Variants in C5orf47 observed in about 807,000 individuals in gnomAD.
C5orf47 encodes uncharacterized protein C5orf47.
C5orf47 carries 20 observed loss-of-function variants against 20.6 expected under a neutral mutation model. The ratio of observed to expected loss-of-function variants is 0.97; its 90% CI spans 0.68 to 1.41. C5orf47 has a LOEUF of 1.41. Ranked by LOEUF, C5orf47 falls within the 40% of genes most tolerant of loss-of-function variation. The probability of loss-of-function intolerance (pLI) is 0.00; values close to 1 mark genes in which losing one functional copy is unlikely to be tolerated. For missense variants in C5orf47, 262 were observed against 238.4 expected (o/e 1.10, Z -0.65); for synonymous variants, 106 against 97.3 (o/e 1.09, Z -0.53).
At chr5:174,000,635 A>G (rs1759179493) in intron 3 of C5orf47, among the ~76,000 whole-genome samples, 1 of 152,142 alleles carries the variant, frequency 6.6e-6, no homozygotes. Flanking sequence ...TTCATAAGAT[A>G]ATCATGAAAA....
Position 173,989,522 on chromosome 5 carries a change from G to A in C5orf47, c.259G>A (p.Ala87Thr). 6.5e-7 allele frequency: 1 copy of A among 1,533,072 alleles called. No homozygotes were observed. The allele number at this position is 1,533,072 out of a possible 1,614,324, so 95.0% of individuals were successfully genotyped here. ...VPTTPGVEAA[A>T]SASSQLRASR... ...CACGACCCCTGGTGTGGAGGCTGCG[G>A]CCTCTGCCTCCTCCCAGCTGCGGGC... The change falls in exon 1 of 5, where the codon GCC (alanine) becomes ACC (threonine). Residue 87 changes from alanine to threonine, a missense_variant. Physicochemically the swap from Ala to Thr is moderately conservative, Grantham distance 58. Coordinates refer to ENST00000340147, the MANE Select transcript of C5orf47 (RefSeq NM_001144954.2).
At chr5:174,003,665 A>G (rs1466315913) in intron 4 of C5orf47, among the ~76,000 whole-genome samples, 1 of 152,174 alleles carries the variant, frequency 6.6e-6, no homozygotes, top group Non-Finnish European at 1.5e-5. Flanking sequence ...AGTACGGAGT[A>G]TCAGGCAATG....
chr5:173,999,919 G>A, intron 3 of C5orf47, 120 bp downstream of exon 3: 1 of 560,236 alleles, frequency 1.8e-6, no homozygotes, highest in Non-Finnish European at 3.2e-6. Context: ...CAGAACTATA[G>A]AAATGAGGCT....
At position 174,005,251 on chromosome 5, in the gene C5orf47, C is replaced by T. The variant is rs1387427594; in HGVS notation, c.*997C>T. ...CCAGGATGATTACAGTGATGACATC[C>T]ATTCTTTTTTGGGGGCATTGAGAAG... On this transcript the variant is annotated 3_prime_UTR_variant, in exon 5 of 5. Transcript: ENST00000340147. 6.6e-6 allele frequency: 1 copy of T among 152,100 alleles called. No individual in the cohort carries two copies. The highest frequency in any genetic ancestry group is 1.9e-4 in the East Asian group (1 of 5,194). The allele number at this position is 152,100 out of a possible 1,614,324, so 9.4% of individuals were successfully genotyped here. A position where few individuals can be genotyped will look rare whatever the true frequency, so the allele number is the denominator to read the frequency against.
At chr5:174,000,483 C>T (rs1044842466) in intron 3 of C5orf47, among the ~76,000 whole-genome samples, 5 of 152,206 alleles carry the variant, frequency 3.3e-5, no homozygotes, top group Admixed American at 1.3e-4. Context: ...CTTTCCTTAA[C>T]GTGCATTTCT....
chr5:173,999,944 A>C (rs932485680), intron 3 of C5orf47, 145 bp downstream of exon 3: 16 of 529,430 alleles, frequency 3.0e-5, no homozygotes, highest in African/African-American at 2.7e-4. Flanking sequence ...TATTATCACT[A>C]TTCATCATAA....
At chr5:173,999,988 CAGAG>C in intron 3 of C5orf47, among the ~76,000 whole-genome samples, 189 bp downstream of exon 3, 1 of 151,940 alleles carries the variant, frequency 6.6e-6, no homozygotes, top group African/African-American at 2.4e-5. Flanking sequence ...GCAGTGAGCA[CAGAG>C]AGCACAGGTA....
At chr5:173,995,156 C>T (rs34020943) in intron 1 of C5orf47, among the ~76,000 whole-genome samples, 24,003 of 152,164 alleles carry the variant, frequency 0.16, 2,477 homozygotes, top group African/African-American at 0.29. Flanking sequence ...TGTGTCACCC[C>T]CTATAGGGAA....
At chr5:173,990,263 C>T (rs1189254953) in intron 1 of C5orf47, among the ~76,000 whole-genome samples, 1 of 148,604 alleles carries the variant, frequency 6.7e-6, no homozygotes, top group African/African-American at 2.5e-5. Flanking sequence ...CAGGTGGGCA[C>T]CTCCATGCCC....
At chr5:173,990,237 C>T (rs867728303) in intron 1 of C5orf47, among the ~76,000 whole-genome samples, 1 of 140,080 alleles carries the variant, frequency 7.1e-6, no homozygotes, top group Non-Finnish European at 1.5e-5. Context: ...CTCAGCCTCC[C>T]GAGTAGCTGG....
downstream of C5orf47, among the ~76,000 whole-genome samples, chr5:174,009,378 G>T (rs1333495634): frequency 2.0e-5 from 3 of 152,046 alleles, no homozygotes; most frequent in African/African-American, 7.2e-5. Context: ...TCTTGTGTTT[G>T]CTTTGGTTTT....
At chr5:173,995,071 C>G (rs1185111844) in intron 1 of C5orf47, among the ~76,000 whole-genome samples, 1 of 152,152 alleles carries the variant, frequency 6.6e-6, no homozygotes, top group Non-Finnish European at 1.5e-5. Context: ...CCTTGGCCTC[C>G]CAAAGTGCTG....
At chr5:173,994,276 A>C (rs1000913301) in intron 1 of C5orf47, among the ~76,000 whole-genome samples, 1 of 152,194 alleles carries the variant, frequency 6.6e-6, no homozygotes, top group African/African-American at 2.4e-5. Flanking sequence ...TCTCAGATGT[A>C]ATGGTTTCAC....
chr5:174,006,093 G>A lies in C5orf47; in HGVS notation c.*1839G>A, dbSNP rs1038299109. ...AACTTATTTCTGTTCCATAATTTCA[G>A]TAGGGGCTAATGACCCACCCCTGCT... On this transcript the variant is annotated 3_prime_UTR_variant, in exon 5 of 5. Coordinates refer to ENST00000340147, the MANE Select transcript of C5orf47 (RefSeq NM_001144954.2). 2 of 152,278 alleles carry A rather than the reference G, an allele frequency of 1.3e-5. No homozygotes were observed. Among genetic ancestry groups the A allele is most frequent in the Non-Finnish European group, 2.9e-5 (2 of 68,022 alleles). 9.4% of individuals were successfully genotyped at this position (152,278 alleles called of 1,614,324 possible).
chr5:173,999,354 G>A (rs978403017), intron 2 of C5orf47, among the ~76,000 whole-genome samples: 2 of 152,052 alleles, frequency 1.3e-5, no homozygotes, highest in African/African-American at 2.4e-5. Flanking sequence ...TTTAATCATT[G>A]GAATATAAAT....
intron 1 of C5orf47, among the ~76,000 whole-genome samples, chr5:173,997,796 C>T (rs1759124611): frequency 6.6e-6 from 1 of 152,094 alleles, no homozygotes. Context: ...AGTGTAATGT[C>T]TGTCTGGAGT....
intron 1 of C5orf47, among the ~76,000 whole-genome samples, chr5:173,997,362 C>G (rs1055507504): frequency 4.6e-5 from 7 of 152,098 alleles, no homozygotes; most frequent in Non-Finnish European, 7.4e-5. Flanking sequence ...ATAATTTTGT[C>G]TTTGGAAAAA....
intron 4 of C5orf47, among the ~76,000 whole-genome samples, chr5:174,001,526 T>C (rs1490002800): frequency 2.0e-5 from 3 of 152,062 alleles, no homozygotes; most frequent in African/African-American, 7.2e-5. Flanking sequence ...GAGGGTACAA[T>C]ATGGTACATT....
At chr5:173,989,621 G>C in intron 1 of C5orf47, 33 bp downstream of exon 1, 2 of 1,383,250 alleles carry the variant, frequency 1.4e-6, no homozygotes, top group Non-Finnish European at 1.9e-6. Flanking sequence ...GACCGGGCGC[G>C]GCGGGGCGGG....
Sources: gnomAD v4.1 joint callset for allele counts (sites outside exome capture counted in the v4.1 genomes callset) on GRCh38, gnomAD v4.1.1 for gene constraint, MANE v1.5 for transcripts, NCBI Gene and HGNC (gene_info 2026-07-23, HGNC 2026-07-21) for gene names.